PARP15: variants seen among roughly 807,000 people sequenced by gnomAD.
PARP15 encodes poly(ADP-ribose) polymerase family member 15, also known as protein mono-ADP-ribosyltransferase PARP15.
In PARP15, 50 loss-of-function variants were observed where a neutral mutation model predicts 62.1. The ratio of observed to expected loss-of-function variants is 0.81; its 90% CI spans 0.64 to 1.02. The LOEUF is 1.02. Ranked by LOEUF, PARP15 falls within the 50% of genes least tolerant of loss-of-function variation. PARP15 has a pLI of 0.00. For synonymous variants in PARP15, 309 were observed against 293.1 expected (o/e 1.05, Z -0.55); for missense variants, 820 against 826.5 (o/e 0.99, Z 0.10).
At chr3:122,615,256 T>A in intron 4 of PARP15, 2 of 1,287,706 alleles carry the variant, frequency 1.6e-6, no homozygotes, top group Non-Finnish European at 2.0e-6. Flanking sequence ...TCTGAGGTTT[T>A]CTAACGTGGA....
intron 8 of PARP15, among the ~76,000 whole-genome samples, chr3:122,625,646 A>G (rs371723936): frequency 1.3e-5 from 2 of 152,254 alleles, no homozygotes; most frequent in African/African-American, 4.8e-5. Flanking sequence ...AGAGGACATT[A>G]GGACGCTGCC....
At chr3:122,603,865 C>CA (rs1934982611) in intron 1 of PARP15, among the ~76,000 whole-genome samples, 1 of 151,990 alleles carries the variant, frequency 6.6e-6, no homozygotes, top group African/African-American at 2.4e-5. Flanking sequence ...CAATTTTAAA[C>CA]AGAAAAAAAT....
At chr3:122,627,149 A>G in intron 9 of PARP15, 116 bp downstream of exon 9, 1 of 873,208 alleles carries the variant, frequency 1.1e-6, no homozygotes, top group East Asian at 2.6e-5. Flanking sequence ...GACTTTTCAG[A>G]CAACTTCTTA....
At chr3:122,618,569 T>A (rs1936135741) in intron 6 of PARP15, among the ~76,000 whole-genome samples, 1 of 152,110 alleles carries the variant, frequency 6.6e-6, no homozygotes, top group Non-Finnish European at 1.5e-5. Context: ...TGAATGAAAT[T>A]CCAGATCAGT....
rs373617437 is a variant in PARP15 at position 122,638,252 on chromosome 3, A to G, written c.*2152A>G. On this transcript the variant is annotated 3_prime_UTR_variant, in exon 12 of 12. Transcript: ENST00000464300. ...CTTTGCTATTGTGAATAGTGCCGCA[A>G]TAAACATACGTGTGCATGTGTCTTT... is the stretch of plus-strand genomic sequence containing the variant. 8.5e-5 allele frequency: 13 copies of G among 152,214 alleles called. No individual in the cohort carries two copies. The highest frequency in any genetic ancestry group is 3.9e-4 in the East Asian group (2 of 5,186). The allele number at this position is 152,214 out of a possible 1,614,324, so 9.4% of individuals were successfully genotyped here.
In PARP15 at chr3:122,638,068, C is replaced by A. The variant is rs1398250499; in HGVS notation, c.*1968C>A. The A allele has an allele frequency of 6.6e-6, 1 of 151,926 alleles. No individual in the cohort carries two copies. Among genetic ancestry groups the A allele is most frequent in the South Asian group, 2.1e-4 (1 of 4,810 alleles). The allele number at this position is 151,926 out of a possible 1,614,324, so 9.4% of individuals were successfully genotyped here. ...TGTGGTGTTTGGTTTTTTGTCCTTG[C>A]GATAGTTTGCTGAGAATGATGGTTT... is the stretch of plus-strand genomic sequence containing the variant. On this transcript the variant is annotated 3_prime_UTR_variant, in exon 12 of 12. Transcript: ENST00000464300.
intron 2 of PARP15, among the ~76,000 whole-genome samples, chr3:122,610,257 G>A (rs1355023416): frequency 3.9e-5 from 6 of 151,962 alleles, no homozygotes; most frequent in Admixed American, 1.3e-4. Context: ...GACTCATTAC[G>A]TGTTGATTTC....
rs1019778607 is a variant in PARP15, at chr3:122,637,861, C to T, written c.*1761C>T. The T allele has an allele frequency of 6.6e-6, 1 of 152,020 alleles. No individual in the cohort carries two copies. Among genetic ancestry groups the T allele is most frequent in the African/African-American group, 2.4e-5 (1 of 41,366 alleles). 9.4% of individuals were successfully genotyped at this position (152,020 alleles called of 1,614,324 possible). ...ATGTGCACAATGTGCAGTTTAGTTA[C>T]ATATGTAAACATGTGCCATGTTGGT... On this transcript the variant is annotated 3_prime_UTR_variant, in exon 12 of 12. Coordinates refer to ENST00000464300, the MANE Select transcript of PARP15 (RefSeq NM_001113523.3).
At chr3:122,623,067 A>G (rs772804361) in intron 8 of PARP15, among the ~76,000 whole-genome samples, 22 of 152,178 alleles carry the variant, frequency 1.4e-4, no homozygotes, top group Non-Finnish European at 2.5e-4. Context: ...CCTGGCTTCC[A>G]CACACCGATA....
chr3:122,630,535 G>A (rs745704863), intron 9 of PARP15, among the ~76,000 whole-genome samples: 6 of 152,076 alleles, frequency 3.9e-5, no homozygotes, highest in South Asian at 2.1e-4. Context: ...AAAAAATAGC[G>A]AGGCATAGTG....
At chr3:122,626,169 A>G (rs570865237) in intron 8 of PARP15, among the ~76,000 whole-genome samples, 37 of 149,016 alleles carry the variant, frequency 2.5e-4, no homozygotes, top group African/African-American at 8.4e-4. Flanking sequence ...GGCTAAATGT[A>G]TGATTGGTAA....
intron 1 of PARP15, among the ~76,000 whole-genome samples, chr3:122,605,731 G>A (rs565208270): frequency 6.6e-6 from 1 of 152,086 alleles, no homozygotes; most frequent in East Asian, 1.9e-4. Flanking sequence ...ATGCCACTGA[G>A]CCCGGCTAAT....
At chr3:122,615,205 A>G (rs1197423885) in intron 4 of PARP15, 2 of 1,265,116 alleles carry the variant, frequency 1.6e-6, no homozygotes, top group Non-Finnish European at 2.1e-6. Context: ...CACGACCAAA[A>G]TGCCTTTTTG....
chr3:122,626,852 A>T lies in PARP15; in HGVS notation c.1257A>T (p.Thr419=). 6.2e-7 allele frequency: 1 copy of T among 1,611,996 alleles called. No individual in the cohort carries two copies. The highest frequency in any genetic ancestry group is 8.5e-7 in the Non-Finnish European group (1 of 1,179,548). The change falls in exon 9 of 12, where the codon ACA becomes ACT. Residue 419 remains threonine (T), a synonymous_variant. Transcript: ENST00000464300. ...GAAATGCCGGAAAAAACCCTATCAC[A>T]GTTGCTGATAACATAATCGATGCTA... is the stretch of plus-strand genomic sequence containing the variant. ...GTGNAGKNPI[T]VADNIIDAIV... is the part of the protein sequence containing the mutation.
At position 122,635,011 on chromosome 3, in the gene PARP15, T is replaced by C; in HGVS notation, c.1573-9T>C. The stretch of plus-strand genomic sequence containing the variant: ...CTTTCTGAAATATTTTGTCTTTTGT[T>C]ACCTGCAGATTGAGAGGATACAGAA... On this transcript the variant is annotated splice_polypyrimidine_tract_variant and intron_variant, in intron 10 of 11. Coordinates refer to ENST00000464300, the MANE Select transcript of PARP15 (RefSeq NM_001113523.3). 3 of 1,613,584 alleles carry C rather than the reference T, an allele frequency of 1.9e-6. No homozygotes were observed. The highest frequency in any genetic ancestry group is 2.5e-6 in the Non-Finnish European group (3 of 1,179,790).
chr3:122,612,667 C>T (rs771343712), intron 3 of PARP15, among the ~76,000 whole-genome samples: 2 of 152,144 alleles, frequency 1.3e-5, no homozygotes, highest in South Asian at 2.1e-4. Flanking sequence ...GTCTCGATCT[C>T]CTGACCTCAT....
Position 122,613,298 on chromosome 3 carries a change from C to T in PARP15, c.771+30C>T, listed in dbSNP as rs74333849. On this transcript the variant is annotated intron_variant, in intron 4 of 11. Coordinates refer to ENST00000464300, the MANE Select transcript of PARP15 (RefSeq NM_001113523.3). ...GGTTACATATCCCATCTGGTTAATT[C>T]TGGCAAGTGAACCCAAGCGCATTCA... 6.6e-3 allele frequency: 9,861 copies of T among 1,493,082 alleles called. 508 individuals carry two copies. In the African/African-American group the frequency reaches 0.11, roughly 17 times the overall value. The allele number at this position is 1,493,082 out of a possible 1,614,324, so 92.5% of individuals were successfully genotyped here. A position where few individuals can be genotyped will look rare whatever the true frequency, so the allele number is the denominator to read the frequency against.
At chr3:122,610,843 G>A (rs1164164858) in intron 3 of PARP15, 113 bp downstream of exon 3, 8 of 848,414 alleles carry the variant, frequency 9.4e-6, no homozygotes, top group Non-Finnish European at 8.6e-6. Context: ...GGACAGTTGG[G>A]TTGTTACAAC....
intron 1 of PARP15, among the ~76,000 whole-genome samples, chr3:122,595,515 A>C (rs1934265183): frequency 6.6e-6 from 1 of 152,130 alleles, no homozygotes; most frequent in Non-Finnish European, 1.5e-5. Context: ...CTAGGACACC[A>C]TACTTTTCGG....
Sources: allele counts gnomAD v4.1 joint callset (sites outside exome capture counted in the v4.1 genomes callset), GRCh38; gene constraint gnomAD v4.1.1; transcripts MANE v1.5; gene names NCBI Gene and HGNC (gene_info 2026-07-23, HGNC 2026-07-21).